Variants in PCNX2 observed in about 807,000 individuals in gnomAD.
PCNX2 encodes the protein pecanex 2.
Under a neutral mutation model 223.8 loss-of-function variants are expected in PCNX2, and 168 were observed. The observed-to-expected ratio is 0.75, with a 90% CI of 0.66 to 0.85. The LOEUF (loss-of-function observed/expected upper bound fraction) is 0.85, where lower values mean the gene tolerates loss of function less well. PCNX2 is among the 40% of genes least tolerant of loss of function. The probability of loss-of-function intolerance (pLI) is 0.00; values close to 1 mark genes in which losing one functional copy is unlikely to be tolerated. For synonymous variants in PCNX2, 1,006 were observed against 1,052.6 expected, an observed-to-expected ratio of 0.96 and a Z score of 0.86; for missense variants, 2,507 against 2,675.5, an observed-to-expected ratio of 0.94 and a Z score of 1.39.
chr1:232,986,449 C>G lies in PCNX2; in HGVS notation c.5883G>C (p.Glu1961Asp). Residue 1961 changes from glutamate (E) to aspartate (D), a missense_variant, in exon 33 of 34, where the codon GAG becomes GAC. Glu to Asp is a conservative substitution (Grantham distance 45). This residue lies in a region of PCNX2 where 1,372 missense variants were observed against 1,509.4 expected (regional missense o/e 0.91). Transcript: ENST00000258229. Reference protein sequence around the residue: ...PMLSSSGPILESRQTFLQTST... With the variant: ...PMLSSSGPILDSRQTFLQTST... ...ACGTCTGGAGGAATGTTTGGCGGCT[C>G]TCTAAGATGGGGCCAGATGAGCTCA... 12 of 1,607,370 alleles carry G rather than the reference C, an allele frequency of 7.5e-6. No homozygotes were observed. The highest frequency in any genetic ancestry group is 9.3e-6 in the Non-Finnish European group (11 of 1,176,806).
At chr1:233,221,505 T>C (rs1657378441) in intron 10 of PCNX2, among the ~76,000 whole-genome samples, 1 of 152,184 alleles carries the variant, frequency 6.6e-6, no homozygotes, top group South Asian at 2.1e-4. Flanking sequence ...CAATCCTCTC[T>C]CCCTCAGTTT....
At chr1:233,271,732 T>C (rs148450800) in intron 1 of PCNX2, among the ~76,000 whole-genome samples, 1,541 of 152,332 alleles carry the variant, frequency 0.01, 14 homozygotes, top group South Asian at 0.027. Flanking sequence ...GAATAGGGTG[T>C]CCTTTCCCCA....
chr1:233,194,345 G>A (rs906521386), intron 15 of PCNX2, among the ~76,000 whole-genome samples: 3 of 112 alleles, frequency 0.027, no homozygotes, highest in Non-Finnish European at 0.06. Context: ...TCAGACAAAG[G>A]CTGAAAGTTT....
the PCNX2 span, among the ~76,000 whole-genome samples, chr1:233,321,977 TCA>T: frequency 6.6e-6 from 1 of 152,156 alleles, no homozygotes; most frequent in Non-Finnish European, 1.5e-5. Context: ...GGGCCTCGGA[TCA>T]CACTAAGAAC....
intron 23 of PCNX2, among the ~76,000 whole-genome samples, chr1:233,067,181 GT>G (rs1672644914): frequency 6.6e-6 from 1 of 151,696 alleles, no homozygotes; most frequent in South Asian, 2.1e-4. Context: ...AATGTCCAGA[GT>G]TGAATAGAAA....
the PCNX2 span, among the ~76,000 whole-genome samples, chr1:233,318,861 C>T: frequency 7.2e-4 from 110 of 152,196 alleles, 1 homozygote; most frequent in African/African-American, 2.5e-3. Context: ...TGAGCCACTG[C>T]GCCCAGCCAT....
intron 19 of PCNX2, among the ~76,000 whole-genome samples, chr1:233,151,438 T>C (rs530159779): frequency 5.3e-5 from 8 of 152,376 alleles, no homozygotes; most frequent in Admixed American, 1.3e-4. Context: ...TGTAGGACCA[T>C]TGTGCATATA....
chr1:233,250,901 C>A (rs538297075), intron 7 of PCNX2, 69 bp from the exon 8 acceptor site: 59 of 1,467,816 alleles, frequency 4.0e-5, no homozygotes, highest in Non-Finnish European at 4.8e-5. Flanking sequence ...TCAACTTATA[C>A]AATTTTCAAG....
chr1:233,089,934 C>G, intron 23 of PCNX2, 127 bp downstream of exon 23: 5 of 1,492,828 alleles, frequency 3.3e-6, no homozygotes, highest in Non-Finnish European at 4.4e-6. Flanking sequence ...TCAAGAGAGA[C>G]AGGTTTGGCC....
At chr1:233,152,152 G>A (rs899277171) in intron 19 of PCNX2, among the ~76,000 whole-genome samples, 1 of 152,138 alleles carries the variant, frequency 6.6e-6, no homozygotes, top group Non-Finnish European at 1.5e-5. Context: ...GGGGAAGAGA[G>A]GGTGCAGGAA....
chr1:233,237,025 G>C, intron 8 of PCNX2, 45 bp from the exon 9 acceptor site: 1 of 1,610,128 alleles, frequency 6.2e-7, no homozygotes, highest in South Asian at 1.1e-5. Flanking sequence ...GGTAATACCA[G>C]AAGTCATCTA....
chr1:233,174,820 T>A (rs1403331676), intron 17 of PCNX2, among the ~76,000 whole-genome samples: 3 of 152,212 alleles, frequency 2.0e-5, no homozygotes, highest in Non-Finnish European at 2.9e-5. Flanking sequence ...ATATCTTTAT[T>A]AAGTAATGAA....
intron 9 of PCNX2, among the ~76,000 whole-genome samples, chr1:233,232,545 G>A (rs537604955): frequency 1.3e-5 from 2 of 152,186 alleles, no homozygotes; most frequent in African/African-American, 4.8e-5. Flanking sequence ...AGATGCAAAT[G>A]TTACTTTTTC....
intron 23 of PCNX2, among the ~76,000 whole-genome samples, chr1:233,085,545 A>G (rs544534913): frequency 5.3e-5 from 8 of 152,248 alleles, no homozygotes; most frequent in Admixed American, 3.3e-4. Context: ...ATCTTACCAT[A>G]TATCTACCAA....
chr1:233,264,370 G>A (rs1212906394), intron 1 of PCNX2, among the ~76,000 whole-genome samples: 1 of 152,140 alleles, frequency 6.6e-6, no homozygotes, highest in Admixed American at 6.6e-5. Context: ...CGTGTAGCTG[G>A]TGCCTCAACC....
intron 17 of PCNX2, among the ~76,000 whole-genome samples, chr1:233,171,782 GTCTC>G (rs976133692): frequency 2.0e-5 from 3 of 152,070 alleles, no homozygotes; most frequent in Admixed American, 6.6e-5. Context: ...TTATGCTTCA[GTCTC>G]TCTCTCTTTT....
intron 15 of PCNX2, among the ~76,000 whole-genome samples, chr1:233,186,271 T>C (rs187704936): frequency 6.6e-6 from 1 of 152,320 alleles, no homozygotes; most frequent in East Asian, 1.9e-4. Flanking sequence ...CATCCTAAAA[T>C]AAGAACGAGA....
chr1:233,093,018 C>T (rs1673962927), intron 22 of PCNX2, among the ~76,000 whole-genome samples: 1 of 152,152 alleles, frequency 6.6e-6, no homozygotes, highest in Non-Finnish European at 1.5e-5. Context: ...CCAGGATGGT[C>T]TCAATCTCCT....
chr1:233,172,207 C>T (rs1679194486), intron 17 of PCNX2, among the ~76,000 whole-genome samples: 1 of 152,090 alleles, frequency 6.6e-6, no homozygotes, highest in South Asian at 2.1e-4. Flanking sequence ...CTGCTGGTTC[C>T]TTATTTCCAA....
Sources: allele counts gnomAD v4.1 joint callset (sites outside exome capture counted in the v4.1 genomes callset), GRCh38; gene constraint gnomAD v4.1.1; regional missense constraint gnomAD v4.1.1; transcripts MANE v1.5; gene names NCBI Gene and HGNC (gene_info 2026-07-23, HGNC 2026-07-21).